Variants in AAMDC observed in about 807,000 individuals in gnomAD.
The protein encoded by AAMDC is adipogenesis associated Mth938 domain containing.
A neutral mutation model predicts 15.5 loss-of-function variants in AAMDC; 16 were observed. That is an observed-to-expected ratio of 1.03 (90% CI 0.70 to 1.57). The LOEUF is 1.57. Among genes scored for constraint, AAMDC ranks in the 40% most tolerant of loss-of-function variants. The pLI is 0.00. For synonymous variants in AAMDC, 51 were observed against 51.6 expected (o/e 0.99, Z 0.05); for missense variants, 141 against 144.9 (o/e 0.97, Z 0.14).
At chr11:77,834,876 T>C (rs1949614818) in intron 1 of AAMDC, among the ~76,000 whole-genome samples, 1 of 152,176 alleles carries the variant, frequency 6.6e-6, no homozygotes, top group Non-Finnish European at 1.5e-5. Flanking sequence ...CCACTCAAAC[T>C]GTAACATTAT....
chr11:77,884,808 G>A (rs989977583), intron 5 of AAMDC: 3 of 408,492 alleles, frequency 7.3e-6, no homozygotes, highest in Middle Eastern at 3.5e-4. Context: ...AGGCTGGAGT[G>A]CAGTGGCACG....
intron 2 of AAMDC, among the ~76,000 whole-genome samples, chr11:77,850,216 G>A (rs555142090): frequency 2.0e-5 from 3 of 152,230 alleles, no homozygotes; most frequent in East Asian, 1.9e-4. Context: ...GAATGGAAAC[G>A]TAAGAAAATG....
intron 2 of AAMDC, among the ~76,000 whole-genome samples, chr11:77,851,754 C>T (rs918470634): frequency 7.9e-5 from 12 of 152,054 alleles, no homozygotes; most frequent in African/African-American, 2.9e-4. Context: ...TAAAAGCTCC[C>T]TAAGGCCTCC....
intron 2 of AAMDC, among the ~76,000 whole-genome samples, chr11:77,856,877 A>G (rs1950644428): frequency 6.6e-6 from 1 of 152,220 alleles, no homozygotes; most frequent in Non-Finnish European, 1.5e-5. Context: ...AGTATTCCAT[A>G]TTTCATTCTT....
chr11:77,887,993 A>G (rs1262093391), intron 5 of AAMDC, among the ~76,000 whole-genome samples: 4 of 152,344 alleles, frequency 2.6e-5, no homozygotes, highest in African/African-American at 9.6e-5. Context: ...AAATGGCCAT[A>G]CTGCCCAAGG....
chr11:77,829,148 G>A (rs1949307733), intron 1 of AAMDC, among the ~76,000 whole-genome samples: 2 of 152,182 alleles, frequency 1.3e-5, no homozygotes, highest in South Asian at 4.1e-4. Context: ...GGGCCCTAAT[G>A]TGATAGAACT....
intron 1 of AAMDC, among the ~76,000 whole-genome samples, chr11:77,830,800 T>C (rs1332376534): frequency 1.3e-5 from 2 of 151,770 alleles, no homozygotes; most frequent in Admixed American, 6.6e-5. Context: ...GAAAAGATAC[T>C]CAACATCATT....
chr11:77,828,677 A>G lies in AAMDC; in HGVS notation c.-19+7436A>G, dbSNP rs1430256981. On this transcript the variant is annotated intron_variant, in intron 1 of 3. Transcript: ENST00000393427. Reference sequence around the variant, plus strand: ...AGAGTGAGACTCCATCTCGAAAAAAAAAAAAAAAAGAAAGAAAATTATAAA... The same window carrying G: ...AGAGTGAGACTCCATCTCGAAAAAAGAAAAAAAAAGAAAGAAAATTATAAA... Among the ~76,000 whole-genome samples, 4 of 152,000 alleles carry G rather than the reference A, an allele frequency of 2.6e-5. No homozygotes were observed. The East Asian group carries it at 7.7e-4, about 29-fold the overall frequency.
intron 1 of AAMDC, chr11:77,841,265 A>C: frequency 1.4e-6 from 1 of 702,308 alleles, no homozygotes; most frequent in Non-Finnish European, 2.6e-6. Context: ...GTTAAATTTA[A>C]ACATGAGTTT....
chr11:77,895,733 C>G (rs1952488984), intron 5 of AAMDC, among the ~76,000 whole-genome samples: 1 of 151,860 alleles, frequency 6.6e-6, no homozygotes, highest in African/African-American at 2.4e-5. Flanking sequence ...CATTTGTTTG[C>G]CTGATTATAT....
At chr11:77,902,386 A>G (rs1480748051), downstream of AAMDC, among the ~76,000 whole-genome samples, 2 of 152,092 alleles carry the variant, frequency 1.3e-5, no homozygotes, top group Non-Finnish European at 2.9e-5. Context: ...ATGTGGCTCA[A>G]TTATCGGGTT....
At chr11:77,899,473 ACCAG>A (rs1163977037) in intron 5 of AAMDC, among the ~76,000 whole-genome samples, 2 of 152,166 alleles carry the variant, frequency 1.3e-5, no homozygotes, top group East Asian at 3.9e-4. Context: ...GGAGTTCGAG[ACCAG>A]CCTGGCTAAC....
intron 1 of AAMDC, among the ~76,000 whole-genome samples, chr11:77,824,984 G>T (rs1190207372): frequency 6.6e-6 from 1 of 151,748 alleles, no homozygotes; most frequent in Non-Finnish European, 1.5e-5. Flanking sequence ...TTTTGTTGTT[G>T]TTGTTTTTCT....
At chr11:77,858,009 A>T (rs1461344856) in intron 2 of AAMDC, among the ~76,000 whole-genome samples, 17 of 151,994 alleles carry the variant, frequency 1.1e-4, no homozygotes, top group Admixed American at 1.0e-3. Context: ...CTAGGTTTTA[A>T]GCCCCACATG....
downstream of AAMDC, chr11:77,903,543 T>C (rs1952843976): frequency 6.2e-7 from 1 of 1,613,564 alleles, no homozygotes; most frequent in African/African-American, 1.3e-5. Context: ...AGCTTACCTG[T>C]TTCGCTGCTG....
downstream of AAMDC, among the ~76,000 whole-genome samples, chr11:77,903,299 G>T (rs1029114699): frequency 2.0e-5 from 3 of 152,258 alleles, no homozygotes; most frequent in Non-Finnish European, 4.4e-5. Context: ...CTCTGGCTCC[G>T]CCTTGGACCA....
chr11:77,875,210 T>C (rs994871655), downstream of AAMDC, among the ~76,000 whole-genome samples: 3 of 152,214 alleles, frequency 2.0e-5, no homozygotes, highest in Admixed American at 1.3e-4. Context: ...TCTGGAGACA[T>C]AGAATCATTC....
Position 77,869,832 on chromosome 11 carries a change from G to C in AAMDC, c.228+15G>C, listed in dbSNP as rs751991125. ...AGGCCTTGAAGGTAGGTGTTGGTAT[G>C]CACAGCATTCCTGAGGACAGGTGGG... On this transcript the variant is annotated intron_variant, in intron 3 of 3. Transcript: ENST00000393427. The C allele has an allele frequency of 6.2e-7, 1 of 1,610,610 alleles. No individual in the cohort carries two copies. Among genetic ancestry groups the C allele is most frequent in the Non-Finnish European group, 8.5e-7 (1 of 1,177,140 alleles).
intron 2 of AAMDC, among the ~76,000 whole-genome samples, chr11:77,858,716 GGTTGTGCA>G (rs1233654626): frequency 4.6e-5 from 7 of 152,122 alleles, no homozygotes; most frequent in Admixed American, 4.6e-4. Context: ...GCATAGTAGG[GGTTGTGCA>G]GTTGAGATTT....
Sources: allele counts gnomAD v4.1 joint callset (sites outside exome capture counted in the v4.1 genomes callset), GRCh38; gene constraint gnomAD v4.1.1; transcripts MANE v1.5; gene names NCBI Gene and HGNC (gene_info 2026-07-23, HGNC 2026-07-21).